The following MMP24 variants were observed in gnomAD, a reference collection of about 807,000 sequenced individuals.
MMP24 encodes the protein matrix metalloproteinase-24.
In MMP24, 25 loss-of-function variants were observed where a neutral mutation model predicts 62.8. The ratio of observed to expected loss-of-function variants is 0.40; its 90% CI spans 0.29 to 0.56. MMP24 has a LOEUF of 0.56. MMP24 is among the 20% of genes least tolerant of loss of function. The pLI, the probability that MMP24 is intolerant of heterozygous loss-of-function variation, is 0.50. For missense variants in MMP24, 634 were observed against 853.6 expected (o/e 0.74, Z 3.21); for synonymous variants, 319 against 350.5 (o/e 0.91, Z 1.00).
chr20:35,244,234 A>G (rs1228649603), intron 1 of MMP24, among the ~76,000 whole-genome samples: 2 of 152,166 alleles, frequency 1.3e-5, no homozygotes, highest in African/African-American at 4.8e-5. Flanking sequence ...TTTTCCCTTC[A>G]TTGGCTTACT....
In MMP24 at chr20:35,239,902, A is replaced by G. The variant is rs1475193977; in HGVS notation, c.247-6938A>G. ...TCATATGAGGCTGCTGGTTTGGACA[A>G]CTGGGTAGCTGATGGTGCCATACCC... On this transcript the variant is annotated intron_variant, in intron 1 of 8. Coordinates refer to ENST00000246186, the MANE Select transcript of MMP24 (RefSeq NM_006690.4). 5.3e-5 allele frequency among the ~76,000 whole-genome samples: 8 copies of G among 152,160 alleles called. No homozygotes were observed. In the East Asian group the frequency reaches 5.8e-4, roughly 11 times the overall value.
intron 5 of MMP24, 138 bp from the exon 6 acceptor site, chr20:35,267,065 TGG>T: frequency 1.5e-6 from 1 of 658,300 alleles, no homozygotes; most frequent in South Asian, 1.9e-5. Context: ...TCTCAAAGAC[TGG>T]GGGAGTTAAA....
intron 4 of MMP24, among the ~76,000 whole-genome samples, chr20:35,258,294 C>A (rs1368107466): frequency 3.3e-5 from 5 of 152,148 alleles, no homozygotes; most frequent in African/African-American, 1.2e-4. Context: ...TCAAGCCCAA[C>A]AAAATTAACA....
chr20:35,231,653 G>A (rs553082706), intron 1 of MMP24, among the ~76,000 whole-genome samples: 10 of 152,272 alleles, frequency 6.6e-5, no homozygotes, highest in Non-Finnish European at 1.5e-4. Context: ...ATACCATGAG[G>A]TAGATAAGGA....
intron 2 of MMP24, among the ~76,000 whole-genome samples, chr20:35,249,500 T>G (rs2060533488): frequency 6.6e-6 from 1 of 152,224 alleles, no homozygotes; most frequent in African/African-American, 2.4e-5. Context: ...TCAACTAAGT[T>G]CCAGTCCTGC....
At chr20:35,254,791 G>C (rs1486493604) in intron 4 of MMP24, 37 bp downstream of exon 4, 1 of 1,555,690 alleles carries the variant, frequency 6.4e-7, no homozygotes, top group Non-Finnish European at 8.7e-7. Context: ...GTCTTGGGCT[G>C]CTCAGTTGTT....
intron 4 of MMP24, among the ~76,000 whole-genome samples, chr20:35,258,948 G>C (rs990401930): frequency 7.1e-6 from 1 of 141,598 alleles, no homozygotes; most frequent in East Asian, 2.0e-4. Context: ...GGGAGGCCGA[G>C]GGGGGGCAGA....
intron 1 of MMP24, among the ~76,000 whole-genome samples, chr20:35,245,877 G>C (rs1386572531): frequency 6.7e-6 from 1 of 150,276 alleles, no homozygotes; most frequent in Non-Finnish European, 1.5e-5. Flanking sequence ...CCTTCAGTGT[G>C]TATTTCCTAA....
At chr20:35,233,665 C>G in intron 1 of MMP24, among the ~76,000 whole-genome samples, 1 of 152,164 alleles carries the variant, frequency 6.6e-6, no homozygotes, top group East Asian at 1.9e-4. Context: ...ACTACTATCA[C>G]TTCTTCCTTT....
chr20:35,262,324 G>A (rs1031735843), intron 4 of MMP24, among the ~76,000 whole-genome samples: 6 of 152,166 alleles, frequency 3.9e-5, no homozygotes, highest in African/African-American at 1.2e-4. Context: ...GTTTCTCGAA[G>A]AGGGGGATGT....
chr20:35,258,947 A>AG (rs370996354), intron 4 of MMP24, among the ~76,000 whole-genome samples: 2,372 of 152,172 alleles, frequency 0.016, 35 homozygotes, highest in African/African-American at 0.036. Context: ...TGGGAGGCCG[A>AG]GGGGGGGCAG....
At chr20:35,246,750 A>G in intron 1 of MMP24, 90 bp from the exon 2 acceptor site, 1 of 1,466,630 alleles carries the variant, frequency 6.8e-7, no homozygotes, top group Non-Finnish European at 9.5e-7. Context: ...CTGGGGTCAA[A>G]TGATCCCTCG....
chr20:35,227,078 A>G, intron 1 of MMP24, 94 bp downstream of exon 1: 1 of 934,820 alleles, frequency 1.1e-6, no homozygotes, highest in Non-Finnish European at 1.3e-6. Flanking sequence ...GGCCGCACCT[A>G]CTGCCGAGGT....
At chr20:35,272,097 T>G in intron 8 of MMP24, 1 of 562,418 alleles carries the variant, frequency 1.8e-6, no homozygotes, top group South Asian at 2.5e-5. Flanking sequence ...ACAGCATTTC[T>G]CAAACACTTA....
chr20:35,270,483 A>G (rs1406597179), intron 7 of MMP24, among the ~76,000 whole-genome samples: 1 of 152,244 alleles, frequency 6.6e-6, no homozygotes, highest in Non-Finnish European at 1.5e-5. Context: ...TGGCCCAGAA[A>G]GGTCATTTGG....
intron 1 of MMP24, among the ~76,000 whole-genome samples, chr20:35,241,266 T>G (rs6087692): frequency 5.3e-5 from 8 of 152,184 alleles, no homozygotes; most frequent in Admixed American, 4.6e-4. Flanking sequence ...TGAATTAGAA[T>G]TGTCCGACCC....
At chr20:35,245,105 C>T (rs1211778799) in intron 1 of MMP24, among the ~76,000 whole-genome samples, 1 of 152,182 alleles carries the variant, frequency 6.6e-6, no homozygotes, top group East Asian at 1.9e-4. Flanking sequence ...TGTCTCACTA[C>T]AGCCTCTTAC....
chr20:35,251,132 TC>T (rs2060543734), intron 2 of MMP24, among the ~76,000 whole-genome samples: 1 of 151,626 alleles, frequency 6.6e-6, no homozygotes, highest in Non-Finnish European at 1.5e-5. Context: ...TTTTTTTTTT[TC>T]CTGAAACGGC....
chr20:35,242,671 G>A (rs752355970), intron 1 of MMP24, among the ~76,000 whole-genome samples: 1 of 152,236 alleles, frequency 6.6e-6, no homozygotes, highest in Non-Finnish European at 1.5e-5. Context: ...TGAAGGGTAT[G>A]TAATTCCATT....
Sources: allele counts gnomAD v4.1 joint callset (sites outside exome capture counted in the v4.1 genomes callset), GRCh38; gene constraint gnomAD v4.1.1; transcripts MANE v1.5; gene names NCBI Gene and HGNC (gene_info 2026-07-23, HGNC 2026-07-21).